Variants in CCDC102B observed in about 807,000 individuals in gnomAD.
The protein encoded by CCDC102B is coiled-coil domain containing 102B.
In CCDC102B, 75 loss-of-function variants were observed where a neutral mutation model predicts 57.4. That is an observed-to-expected ratio of 1.31 (90% CI 1.08 to 1.58). The LOEUF is 1.58. Ranked by LOEUF, CCDC102B falls within the 40% of genes most tolerant of loss-of-function variation. The pLI is 0.00. For synonymous variants in CCDC102B, 206 were observed against 201.9 expected, an observed-to-expected ratio of 1.02 and a Z score of -0.17; for missense variants, 636 against 582.6, an observed-to-expected ratio of 1.09 and a Z score of -0.94.
At chr18:68,998,967 C>CACATATAT (rs1466400026) in intron 6 of CCDC102B, among the ~76,000 whole-genome samples, 1 of 92,016 alleles carries the variant, frequency 1.1e-5, no homozygotes, top group African/African-American at 4.7e-5. Flanking sequence ...ACATAATCAT[C>CACATATAT]ATATATATAT....
chr18:68,787,950 T>G (rs2035273741), intron 2 of CCDC102B, among the ~76,000 whole-genome samples: 1 of 151,306 alleles, frequency 6.6e-6, no homozygotes, highest in Non-Finnish European at 1.5e-5. Context: ...TTTCCTGCTT[T>G]CTCTTGTGGG....
At chr18:68,996,107 G>A (rs1482295887) in intron 6 of CCDC102B, among the ~76,000 whole-genome samples, 1 of 152,208 alleles carries the variant, frequency 6.6e-6, no homozygotes, top group Non-Finnish European at 1.5e-5. Flanking sequence ...GTCTGTGAGG[G>A]TGTTGCCAAA....
At chr18:69,022,880 CT>C (rs2051884247) in intron 7 of CCDC102B, among the ~76,000 whole-genome samples, 1 of 151,548 alleles carries the variant, frequency 6.6e-6, no homozygotes, top group African/African-American at 2.4e-5. Flanking sequence ...GGTACAGGGT[CT>C]TTGTTTCACT....
intron 6 of CCDC102B, among the ~76,000 whole-genome samples, chr18:69,004,513 T>C (rs1450786610): frequency 6.6e-6 from 1 of 152,090 alleles, no homozygotes. Flanking sequence ...GTGAGACAGA[T>C]TTTCCAGCAG....
chr18:68,898,364 T>A (rs879937928), intron 6 of CCDC102B, among the ~76,000 whole-genome samples: 6 of 152,110 alleles, frequency 3.9e-5, no homozygotes, highest in Non-Finnish European at 7.4e-5. Context: ...ATCTAGGGAT[T>A]TATTGCAAAT....
chr18:68,995,405 G>A (rs747478168), intron 6 of CCDC102B, among the ~76,000 whole-genome samples: 15 of 152,094 alleles, frequency 9.9e-5, no homozygotes, highest in Non-Finnish European at 1.9e-4. Flanking sequence ...ATCTTAGGTC[G>A]GCTTAGGAGG....
intron 2 of CCDC102B, among the ~76,000 whole-genome samples, chr18:68,748,080 T>C (rs2033692618): frequency 6.6e-6 from 1 of 152,126 alleles, no homozygotes; most frequent in South Asian, 2.1e-4. Flanking sequence ...TGATATCTCA[T>C]TGTGGTTTTG....
intron 7 of CCDC102B, among the ~76,000 whole-genome samples, chr18:69,043,176 C>T (rs1393520877): frequency 6.6e-6 from 1 of 152,114 alleles, no homozygotes; most frequent in Non-Finnish European, 1.5e-5. Flanking sequence ...GATATGCATA[C>T]ACATAAACAT....
intron 6 of CCDC102B, among the ~76,000 whole-genome samples, chr18:68,990,781 T>C (rs1191852950): frequency 6.6e-6 from 1 of 152,156 alleles, no homozygotes; most frequent in African/African-American, 2.4e-5. Flanking sequence ...ATTATGAACA[T>C]AAATCTTTTA....
At chr18:69,005,194 T>A (rs1357755663) in intron 6 of CCDC102B, among the ~76,000 whole-genome samples, 1 of 152,158 alleles carries the variant, frequency 6.6e-6, no homozygotes, top group Non-Finnish European at 1.5e-5. Context: ...TGTATCTGAG[T>A]CAACTTTCGA....
At chr18:68,879,041 G>C (rs1396650442) in intron 5 of CCDC102B, among the ~76,000 whole-genome samples, 2 of 152,120 alleles carry the variant, frequency 1.3e-5, no homozygotes, top group South Asian at 2.1e-4. Flanking sequence ...GCTGGCTCAG[G>C]AGTGAAGCTG....
intron 7 of CCDC102B, among the ~76,000 whole-genome samples, chr18:69,027,174 A>G (rs991277933): frequency 7.2e-5 from 11 of 152,314 alleles, no homozygotes; most frequent in South Asian, 4.1e-4. Flanking sequence ...ACAGATGTCA[A>G]CCTGGGCTCA....
At position 68,717,033 on chromosome 18, in the gene CCDC102B, C is replaced by T. The variant is rs1048535966; in HGVS notation, c.-67+439C>T. ...CCGAGCTTGCAGTGAGTTGAAATCG[C>T]GCCACTGCACTCCAGCCTGGGCGAC... is the stretch of plus-strand genomic sequence containing the variant. On this transcript the variant is annotated intron_variant, in intron 2 of 3. Coordinates refer to the CCDC102B transcript ENST00000578970. 1.0e-4 allele frequency among the ~76,000 whole-genome samples: 15 copies of T among 150,088 alleles called. No individual in the cohort carries two copies. In the South Asian group the frequency reaches 2.5e-3, roughly 25 times the overall value.
At chr18:68,909,182 G>T (rs1252886022) in intron 6 of CCDC102B, among the ~76,000 whole-genome samples, 1 of 24,912 alleles carries the variant, frequency 4.0e-5, no homozygotes, top group African/African-American at 1.4e-4. Context: ...AGGGAGGAAG[G>T]GAAAAAAAAA....
At position 68,739,874 on chromosome 18, in the gene CCDC102B, C is replaced by T. The variant is rs530649105; in HGVS notation, c.-67+23280C>T. On this transcript the variant is annotated intron_variant, in intron 2 of 3. Coordinates refer to the CCDC102B transcript ENST00000578970. ...AGGATTGCTGCTACACAGCCTGGAACAGCTGCAGAGCTTCCTTGTTGTGTG... is the reference window on the plus strand; with the variant it reads ...AGGATTGCTGCTACACAGCCTGGAATAGCTGCAGAGCTTCCTTGTTGTGTG... Among the ~76,000 whole-genome samples, 8 of 152,288 alleles carry T rather than the reference C, an allele frequency of 5.3e-5. No individual in the cohort carries two copies. In the South Asian group the frequency reaches 1.7e-3, roughly 32 times the overall value.
intron 6 of CCDC102B, among the ~76,000 whole-genome samples, chr18:68,954,680 C>G (rs1039037601): frequency 1.1e-4 from 16 of 152,084 alleles, no homozygotes; most frequent in African/African-American, 3.6e-4. Flanking sequence ...TGAGATTTCA[C>G]GAAGCTTTAA....
chr18:69,021,906 C>T (rs933626959), intron 7 of CCDC102B, among the ~76,000 whole-genome samples: 2 of 152,036 alleles, frequency 1.3e-5, no homozygotes, highest in Admixed American at 6.6e-5. Flanking sequence ...ATGATTTATA[C>T]GTTATTGCTT....
At chr18:68,773,671 T>C (rs1312790534) in intron 2 of CCDC102B, among the ~76,000 whole-genome samples, 1 of 151,994 alleles carries the variant, frequency 6.6e-6, no homozygotes, top group Non-Finnish European at 1.5e-5. Flanking sequence ...AAATGCAAAG[T>C]ATATTATATT....
intron 2 of CCDC102B, among the ~76,000 whole-genome samples, chr18:68,770,499 T>A (rs1013787698): frequency 4.6e-5 from 7 of 152,202 alleles, no homozygotes; most frequent in Admixed American, 2.6e-4. Context: ...ATTGGGGAAG[T>A]GTACTCTGCT....
Sources: allele counts gnomAD v4.1 joint callset (sites outside exome capture counted in the v4.1 genomes callset), GRCh38; gene constraint gnomAD v4.1.1; transcripts MANE v1.5; gene names NCBI Gene and HGNC (gene_info 2026-07-23, HGNC 2026-07-21).